The following TMEM132C variants were observed in gnomAD, a reference collection of about 807,000 sequenced individuals.
TMEM132C encodes the protein transmembrane protein 132C, also known as protein phosphatase 1, regulatory subunit 152.
In TMEM132C, 29 loss-of-function variants were observed where a neutral mutation model predicts 61.4. That is an observed-to-expected ratio of 0.47 (90% CI 0.35 to 0.64). The LOEUF (loss-of-function observed/expected upper bound fraction) is 0.64, where lower values mean the gene tolerates loss of function less well. Among genes scored for constraint, TMEM132C ranks in the 30% least tolerant of loss-of-function variants. TMEM132C has a pLI of 0.00. For synonymous variants in TMEM132C, 656 were observed against 633.1 expected (o/e 1.04, Z -0.54); for missense variants, 1,408 against 1,476.9 (o/e 0.95, Z 0.76).
rs114599996 is a variant in TMEM132C, at chr12:128,276,772, C to A, written c.85+9285C>A. Among the ~76,000 whole-genome samples, 276 of 152,192 alleles carry A rather than the reference C, an allele frequency of 1.8e-3. 2 individuals are homozygous for A. Among genetic ancestry groups the A allele is most frequent in the African/African-American group, 6.5e-3 (269 of 41,492 alleles). ...GGATCAAATGCTGGCCACTTTGGCA[C>A]GCGGTATTCTACTAGCAAGTCTTTG... On this transcript the variant is annotated intron_variant, in intron 1 of 8. Transcript: ENST00000435159.
At chr12:128,305,487 A>C (rs1043302576) in intron 1 of TMEM132C, among the ~76,000 whole-genome samples, 2 of 151,334 alleles carry the variant, frequency 1.3e-5, no homozygotes. Context: ...CTAAACGTTA[A>C]GTTTCCGCCG....
intron 3 of TMEM132C, among the ~76,000 whole-genome samples, chr12:128,611,929 G>C (rs1029793095): frequency 6.6e-6 from 1 of 152,176 alleles, no homozygotes; most frequent in African/African-American, 2.4e-5. Flanking sequence ...TCATCTCCAC[G>C]AAAGGGTCAA....
intron 2 of TMEM132C, among the ~76,000 whole-genome samples, chr12:128,504,764 C>G (rs1872301194): frequency 8.0e-6 from 1 of 124,780 alleles, no homozygotes; most frequent in African/African-American, 3.2e-5. Flanking sequence ...GGCCCTGTCT[C>G]TAGTGCAGTC....
intron 1 of TMEM132C, among the ~76,000 whole-genome samples, chr12:128,391,536 C>A (rs61939977): frequency 0.19 from 28,805 of 152,150 alleles, 3,045 homozygotes; most frequent in East Asian, 0.44. Context: ...GTGAGGGAAC[C>A]ATCCTAGTTA....
intron 2 of TMEM132C, among the ~76,000 whole-genome samples, chr12:128,536,466 A>C (rs1170954179): frequency 6.6e-6 from 1 of 152,068 alleles, no homozygotes; most frequent in African/African-American, 2.4e-5. Context: ...GGTGCAGCAA[A>C]CCAACATGGC....
intron 1 of TMEM132C, among the ~76,000 whole-genome samples, chr12:128,361,137 TGC>T (rs1268505350): frequency 6.6e-6 from 1 of 152,200 alleles, no homozygotes; most frequent in Non-Finnish European, 1.5e-5. Context: ...TGATGCTCGT[TGC>T]TCCGAGGAAC....
chr12:128,373,018 A>G (rs1408607615), intron 1 of TMEM132C, among the ~76,000 whole-genome samples: 2 of 152,210 alleles, frequency 1.3e-5, no homozygotes, highest in African/African-American at 2.4e-5. Context: ...TACAAAGGAT[A>G]TTAGACCAGT....
At chr12:128,688,526 C>T (rs1047279599) in intron 5 of TMEM132C, among the ~76,000 whole-genome samples, 1 of 151,976 alleles carries the variant, frequency 6.6e-6, no homozygotes, top group Non-Finnish European at 1.5e-5. Flanking sequence ...GAGAGAAATC[C>T]AAGTAAAACA....
At chr12:128,674,334 A>C (rs1954563069) in intron 5 of TMEM132C, among the ~76,000 whole-genome samples, 1 of 152,338 alleles carries the variant, frequency 6.6e-6, no homozygotes, top group South Asian at 2.1e-4. Flanking sequence ...TGGATATACC[A>C]TATTGTGTTC....
At chr12:128,496,547 T>C (rs1871967775) in intron 2 of TMEM132C, among the ~76,000 whole-genome samples, 3 of 152,242 alleles carry the variant, frequency 2.0e-5, no homozygotes, top group Non-Finnish European at 4.4e-5. Context: ...TATTCTTTTT[T>C]CTATAAACTT....
chr12:128,568,760 G>A (rs897160135), intron 3 of TMEM132C, among the ~76,000 whole-genome samples: 3 of 152,058 alleles, frequency 2.0e-5, no homozygotes, highest in African/African-American at 7.2e-5. Context: ...CAAAACAGGC[G>A]TCATGAAACC....
intron 1 of TMEM132C, among the ~76,000 whole-genome samples, chr12:128,320,259 C>CT (rs946377204): frequency 4.0e-4 from 60 of 150,700 alleles, no homozygotes; most frequent in East Asian, 2.7e-3. Context: ...CTTTCTTTTT[C>CT]TTTTTTTTTG....
At chr12:128,670,696 C>T (rs1363828817) in intron 5 of TMEM132C, among the ~76,000 whole-genome samples, 1 of 152,188 alleles carries the variant, frequency 6.6e-6, no homozygotes, top group African/African-American at 2.4e-5. Context: ...ATCAGTGGTG[C>T]TTTGGACTAT....
intron 4 of TMEM132C, among the ~76,000 whole-genome samples, chr12:128,628,692 T>C (rs997282502): frequency 3.3e-5 from 5 of 152,262 alleles, no homozygotes; most frequent in Admixed American, 6.5e-5. Context: ...GTAGGATGTA[T>C]AGGTGGGTGT....
intron 3 of TMEM132C, among the ~76,000 whole-genome samples, chr12:128,576,331 T>C (rs983195435): frequency 4.6e-5 from 7 of 152,048 alleles, no homozygotes; most frequent in Admixed American, 3.9e-4. Context: ...CAAAGCCTTC[T>C]CTCCCGAAGC....
intron 1 of TMEM132C, among the ~76,000 whole-genome samples, chr12:128,357,660 A>C (rs1214984634): frequency 1.4e-5 from 2 of 145,966 alleles, no homozygotes; most frequent in African/African-American, 2.6e-5. Flanking sequence ...ATGCCACTGC[A>C]CTCCAGCCTG....
In TMEM132C at chr12:128,376,040, C is replaced by T. The variant is rs190727135; in HGVS notation, c.86-38692C>T. Among the ~76,000 whole-genome samples, 562 of 152,294 alleles carry T rather than the reference C, an allele frequency of 3.7e-3. 3 individuals are homozygous for T. The highest frequency in any genetic ancestry group is 0.012 in the African/African-American group (507 of 41,566). On this transcript the variant is annotated intron_variant, in intron 1 of 8. Transcript: ENST00000435159. ...GGAAGCTTCAGAGTTTCAAGCGGGGCTTTGCTATGGGTTTGTTCTGCTTTC... is the reference window on the plus strand; with the variant it reads ...GGAAGCTTCAGAGTTTCAAGCGGGGTTTTGCTATGGGTTTGTTCTGCTTTC...
intron 2 of TMEM132C, among the ~76,000 whole-genome samples, chr12:128,425,295 C>CT (rs1869142651): frequency 1.3e-5 from 2 of 152,226 alleles, no homozygotes; most frequent in Non-Finnish European, 2.9e-5. Flanking sequence ...CCTTGGCGCT[C>CT]ATCTGGGAGG....
chr12:128,407,714 G>C (rs370008552), intron 1 of TMEM132C, among the ~76,000 whole-genome samples: 8 of 152,234 alleles, frequency 5.3e-5, no homozygotes, highest in African/African-American at 1.9e-4. Flanking sequence ...TGAGACCTGC[G>C]CCCAGAAGAG....
Sources: gnomAD v4.1 joint callset for allele counts (sites outside exome capture counted in the v4.1 genomes callset) on GRCh38, gnomAD v4.1.1 for gene constraint, MANE v1.5 for transcripts, NCBI Gene and HGNC (gene_info 2026-07-23, HGNC 2026-07-21) for gene names.